FANCB: variants seen among roughly 807,000 people sequenced by gnomAD.
FANCB encodes the protein Fanconi anemia group B protein.
Under a neutral mutation model 38.9 loss-of-function variants are expected in FANCB, and 5 were observed. That is an observed-to-expected ratio of 0.13 (90% CI 0.07 to 0.27). The LOEUF (loss-of-function observed/expected upper bound fraction) is 0.27, where lower values mean the gene tolerates loss of function less well. Among genes scored for constraint, FANCB ranks in the 10% least tolerant of loss-of-function variants. FANCB has a pLI of 1.00. For missense variants in FANCB, 573 were observed against 602.7 expected (o/e 0.95, Z 0.52); for synonymous variants, 236 against 215.4 (o/e 1.10, Z -0.84).
chrX:14,761,296 C>A, the FANCB span, among the ~76,000 whole-genome samples: 2 of 111,179 alleles, frequency 1.8e-5, no homozygotes, highest in South Asian at 3.7e-4. Context: ...AGCTACCATG[C>A]CCCACCTAAA....
intron 10 of FANCB, among the ~76,000 whole-genome samples, chrX:14,837,144 T>A (rs1336442753): frequency 8.9e-6 from 1 of 112,454 alleles, no homozygotes; most frequent in African/African-American, 3.2e-5. Context: ...AATGATTAGA[T>A]CAGGCAAAAG....
chrX:14,712,713 C>G, the FANCB span, among the ~76,000 whole-genome samples: 3 of 110,018 alleles, frequency 2.7e-5, no homozygotes, highest in African/African-American at 9.9e-5. Flanking sequence ...AGGCAATAGT[C>G]AAAGGATGGG....
the FANCB span, among the ~76,000 whole-genome samples, chrX:14,762,442 C>T: frequency 9.0e-6 from 1 of 111,401 alleles, no homozygotes; most frequent in Admixed American, 9.6e-5. Context: ...CCACTGTACC[C>T]GGCCAGGCCC....
the FANCB span, among the ~76,000 whole-genome samples, chrX:14,740,998 G>A: frequency 1.9e-5 from 2 of 104,009 alleles, no homozygotes; most frequent in African/African-American, 7.5e-5. Context: ...ACGAACACAC[G>A]AAGGACAGCT....
At chrX:14,747,190 G>A in the FANCB span, among the ~76,000 whole-genome samples, 3 of 112,336 alleles carry the variant, frequency 2.7e-5, no homozygotes, top group African/African-American at 9.7e-5. Flanking sequence ...AACATAATGG[G>A]AATGTTTTCT....
intron 6 of FANCB, among the ~76,000 whole-genome samples, chrX:14,851,521 TAGGAGACTAA>T (rs1370987480): frequency 1.8e-5 from 2 of 111,540 alleles, no homozygotes; most frequent in Non-Finnish European, 3.8e-5. Context: ...ATTCACTCAA[TAGGAGACTAA>T]ATATGTTCCC....
At chrX:14,765,302 T>C in the FANCB span, among the ~76,000 whole-genome samples, 1 of 111,617 alleles carries the variant, frequency 9.0e-6, no homozygotes, top group African/African-American at 3.3e-5. Flanking sequence ...TGCTCCCAAA[T>C]TCCTGCCCCA....
At chrX:14,845,345 T>C in intron 7 of FANCB, 59 bp from the exon 8 acceptor site, 1 of 859,638 alleles carries the variant, frequency 1.2e-6, no homozygotes, top group East Asian at 3.1e-5. Flanking sequence ...ATCAAATTGA[T>C]GATTAAATGT....
chrX:14,843,035 T>C (rs2147385202), downstream of FANCB, among the ~76,000 whole-genome samples: 1 of 112,189 alleles, frequency 8.9e-6, no homozygotes, highest in Non-Finnish European at 1.9e-5. Flanking sequence ...GCTTAATTTA[T>C]CTATTTGAAG....
chrX:14,725,531 C>A, the FANCB span, among the ~76,000 whole-genome samples: 1 of 111,750 alleles, frequency 8.9e-6, no homozygotes, highest in Admixed American at 9.5e-5. Context: ...GTGAGAAATG[C>A]GATGGAAAGA....
downstream of FANCB, among the ~76,000 whole-genome samples, chrX:14,839,068 C>T (rs768182531): frequency 3.6e-5 from 4 of 111,028 alleles, no homozygotes; most frequent in African/African-American, 6.6e-5. Context: ...TCGAGGAGGG[C>T]GGATCACCTG....
the FANCB span, among the ~76,000 whole-genome samples, chrX:14,739,332 A>C: frequency 2.7e-5 from 3 of 111,924 alleles, no homozygotes; most frequent in Non-Finnish European, 5.6e-5. Context: ...CCCTTTGATC[A>C]ACAGATAAAC....
chrX:14,704,821 T>C, the FANCB span, among the ~76,000 whole-genome samples: 1 of 111,464 alleles, frequency 9.0e-6, no homozygotes, highest in Admixed American at 9.5e-5. Flanking sequence ...AAGGGGCAGA[T>C]AAAAAAAACT....
At chrX:14,783,077 C>A in the FANCB span, among the ~76,000 whole-genome samples, 1 of 111,714 alleles carries the variant, frequency 9.0e-6, no homozygotes, top group African/African-American at 3.3e-5. Context: ...AACCTAAAGC[C>A]TGGAGAACAA....
At chrX:14,714,228 C>A in the FANCB span, among the ~76,000 whole-genome samples, 2 of 110,741 alleles carry the variant, frequency 1.8e-5, no homozygotes, top group South Asian at 7.8e-4. Context: ...CAGGGGTTCT[C>A]AAGTAGGGTT....
chrX:14,800,465 CAG>C, the FANCB span, among the ~76,000 whole-genome samples: 2 of 109,982 alleles, frequency 1.8e-5, no homozygotes, highest in Admixed American at 9.7e-5. Flanking sequence ...CTAGAGCTTT[CAG>C]AGAGAGAGAG....
downstream of FANCB, chrX:14,834,909 A>G (rs1354162628): frequency 2.1e-5 from 17 of 797,636 alleles, no homozygotes; most frequent in Non-Finnish European, 3.2e-5. Context: ...CTTTCCAGAT[A>G]TACTTAAGAG....
the FANCB span, among the ~76,000 whole-genome samples, chrX:14,738,053 G>C: frequency 9.0e-6 from 1 of 111,658 alleles, no homozygotes; most frequent in Admixed American, 9.5e-5. Flanking sequence ...GGGAGGTACA[G>C]TCCTCCCATT....
downstream of FANCB, chrX:14,834,958 C>A: frequency 1.2e-6 from 1 of 809,751 alleles, no homozygotes. Context: ...GACTCTGCAT[C>A]TTCCTCCACA....
Sources: gnomAD v4.1 joint callset for allele counts (sites outside exome capture counted in the v4.1 genomes callset) on GRCh38, gnomAD v4.1.1 for gene constraint, MANE v1.5 for transcripts, NCBI Gene and HGNC (gene_info 2026-07-23, HGNC 2026-07-21) for gene names.